Variants in RABGAP1L observed in about 807,000 individuals in gnomAD.
The protein encoded by RABGAP1L is RAB GTPase activating protein 1 like, also known as rab GTPase-activating protein 1-like.
RABGAP1L carries 63 observed loss-of-function variants against 137.7 expected under a neutral mutation model. That is an observed-to-expected ratio of 0.46 (90% confidence interval 0.37 to 0.56). The LOEUF is 0.56. Ranked by LOEUF, RABGAP1L falls within the 20% of genes least tolerant of loss-of-function variation. RABGAP1L has a pLI of 0.00. For synonymous variants in RABGAP1L, 431 were observed against 433.7 expected (o/e 0.99, Z 0.08); for missense variants, 1,095 against 1,244.0 (o/e 0.88, Z 1.80).
At chr1:174,647,852 G>A (rs1239224253) in intron 14 of RABGAP1L, among the ~76,000 whole-genome samples, 1 of 151,934 alleles carries the variant, frequency 6.6e-6, no homozygotes, top group South Asian at 2.1e-4. Context: ...TTATTTGGTT[G>A]GTAGGCTATT....
intron 19 of RABGAP1L, chr1:174,945,501 C>G (rs1666593270): frequency 6.6e-6 from 1 of 151,802 alleles, no homozygotes; most frequent in Non-Finnish European, 1.5e-5. Context: ...AATTTAGCCC[C>G]ACATTGAGAA....
chr1:174,402,724 C>T (rs74128386), intron 13 of RABGAP1L, among the ~76,000 whole-genome samples: 5,270 of 152,156 alleles, frequency 0.035, 117 homozygotes, highest in Middle Eastern at 0.088. Flanking sequence ...TGATCTGAAA[C>T]GACAATAGAA....
chr1:174,496,563 G>C (rs565305901), intron 13 of RABGAP1L, among the ~76,000 whole-genome samples: 2 of 152,176 alleles, frequency 1.3e-5, no homozygotes, highest in Non-Finnish European at 2.9e-5. Context: ...CATCAGTAGT[G>C]GTTGCCAAGA....
intron 14 of RABGAP1L, among the ~76,000 whole-genome samples, chr1:174,663,407 C>T (rs940767330): frequency 8.5e-5 from 13 of 152,172 alleles, no homozygotes; most frequent in African/African-American, 2.9e-4. Context: ...CTGTAACATG[C>T]TGTACAAGTT....
intron 12 of RABGAP1L, among the ~76,000 whole-genome samples, chr1:174,380,682 T>C (rs373522514): frequency 2.0e-5 from 3 of 148,906 alleles, no homozygotes; most frequent in East Asian, 2.0e-4. Context: ...TCTCTCTTTT[T>C]TTCTTTATTA....
At chr1:174,423,597 T>G (rs998473531) in intron 13 of RABGAP1L, among the ~76,000 whole-genome samples, 2 of 152,200 alleles carry the variant, frequency 1.3e-5, no homozygotes, top group Non-Finnish European at 2.9e-5. Flanking sequence ...ATTTACATGC[T>G]AAGTAATATG....
chr1:174,455,113 T>C (rs1476724265), intron 13 of RABGAP1L, among the ~76,000 whole-genome samples: 1 of 152,202 alleles, frequency 6.6e-6, no homozygotes, highest in Non-Finnish European at 1.5e-5. Flanking sequence ...CTGATAAATA[T>C]TTAACATGAA....
chr1:174,380,846 G>A (rs1207270959), intron 12 of RABGAP1L, among the ~76,000 whole-genome samples: 1 of 126,546 alleles, frequency 7.9e-6, no homozygotes, highest in Non-Finnish European at 1.6e-5. Context: ...GAATGTGTTT[G>A]CTCTTGCTTT....
intron 19 of RABGAP1L, among the ~76,000 whole-genome samples, chr1:174,885,155 G>A (rs920244507): frequency 9.9e-5 from 15 of 152,146 alleles, no homozygotes; most frequent in African/African-American, 3.6e-4. Flanking sequence ...TATATCTAAA[G>A]TAAACCTATC....
intron 19 of RABGAP1L, among the ~76,000 whole-genome samples, chr1:174,925,265 G>A (rs1254485136): frequency 3.4e-5 from 5 of 147,562 alleles, no homozygotes; most frequent in Non-Finnish European, 6.0e-5. Context: ...GGAGAATGGC[G>A]TGAACCCAGG....
chr1:174,712,903 G>T (rs934475885), intron 17 of RABGAP1L, among the ~76,000 whole-genome samples: 4 of 152,182 alleles, frequency 2.6e-5, no homozygotes, highest in African/African-American at 9.6e-5. Context: ...CCAACGTCCA[G>T]CCGCTTGTGT....
At chr1:174,516,120 TACACACACACACACACACACACACACAC>T (rs61414923) in intron 13 of RABGAP1L, among the ~76,000 whole-genome samples, 2 of 133,234 alleles carry the variant, frequency 1.5e-5, no homozygotes, top group African/African-American at 3.0e-5. Flanking sequence ...ACTGAAGCTC[TACACACACACACACACACACACACACAC>T]ACACACACAC....
At chr1:174,620,978 A>T (rs1672399004) in intron 13 of RABGAP1L, among the ~76,000 whole-genome samples, 1 of 152,212 alleles carries the variant, frequency 6.6e-6, no homozygotes, top group Non-Finnish European at 1.5e-5. Context: ...ACAGAAATAC[A>T]AACTACCATC....
chr1:174,856,559 A>G (rs1477077553), intron 19 of RABGAP1L, among the ~76,000 whole-genome samples: 1 of 152,172 alleles, frequency 6.6e-6, no homozygotes, highest in Non-Finnish European at 1.5e-5. Context: ...AACTGAACAG[A>G]AGCATCCAAA....
intron 13 of RABGAP1L, among the ~76,000 whole-genome samples, chr1:174,399,288 T>C (rs897777164): frequency 3.9e-5 from 6 of 152,092 alleles, no homozygotes; most frequent in Non-Finnish European, 8.8e-5. Flanking sequence ...GTGGGTACTT[T>C]GGTGGTGAAT....
chr1:174,980,909 G>GTTT (rs370748304), intron 23 of RABGAP1L, among the ~76,000 whole-genome samples: 1 of 143,862 alleles, frequency 7.0e-6, no homozygotes, highest in Non-Finnish European at 1.5e-5. Context: ...AGTTTTTTTT[G>GTTT]TTTTTTTTTT....
intron 13 of RABGAP1L, among the ~76,000 whole-genome samples, chr1:174,615,075 A>T (rs1041426804): frequency 1.3e-5 from 2 of 152,048 alleles, no homozygotes; most frequent in Admixed American, 6.5e-5. Flanking sequence ...TCTTCTCTCA[A>T]CTCGTCAAAG....
At chr1:174,946,978 GTGTA>G (rs1274290855) in intron 19 of RABGAP1L, among the ~76,000 whole-genome samples, 24 of 105,876 alleles carry the variant, frequency 2.3e-4, no homozygotes, top group Admixed American at 4.6e-4. Context: ...GTGTGTGTGT[GTGTA>G]TATATATGTA....
At chr1:174,606,713 G>A (rs1670820320) in intron 13 of RABGAP1L, among the ~76,000 whole-genome samples, 2 of 152,026 alleles carry the variant, frequency 1.3e-5, no homozygotes, top group Admixed American at 6.6e-5. Context: ...TGCCTCACAG[G>A]CTTAGTATTC....
Sources: allele counts gnomAD v4.1 joint callset (sites outside exome capture counted in the v4.1 genomes callset), GRCh38; gene constraint gnomAD v4.1.1; transcripts MANE v1.5; gene names NCBI Gene and HGNC (gene_info 2026-07-23, HGNC 2026-07-21).